LRRK2: variants seen among roughly 807,000 people sequenced by gnomAD.
LRRK2 encodes leucine-rich repeat serine/threonine-protein kinase 2.
In LRRK2, 203 loss-of-function variants were observed where a neutral mutation model predicts 302.6. That is an observed-to-expected ratio of 0.67 (90% CI 0.60 to 0.75). The LOEUF (loss-of-function observed/expected upper bound fraction) is 0.75. Ranked by LOEUF, LRRK2 falls within the 30% of genes least tolerant of loss-of-function variation. The pLI is 0.00. For synonymous variants in LRRK2, 1,066 were observed against 1,031.9 expected, an observed-to-expected ratio of 1.03 and a Z score of -0.63; for missense variants, 2,830 against 2,951.0, an observed-to-expected ratio of 0.96 and a Z score of 0.95.
rs773142619 is a variant in LRRK2, at chr12:40,252,922, T to C, written c.1194T>C (p.His398=). ...GAATTTTTGAAAGTTTCCCAGCTCA[T>C]AGGGAAGTGATGCTCTCCATGCTGA... ...IGDEDGHFPA[H]REVMLSMLMH... The change falls in exon 11 of 51, where the codon CAT becomes CAC. Residue 398 remains histidine (H), a synonymous_variant. Transcript: ENST00000298910. 1 of 1,612,700 alleles carries C rather than the reference T, an allele frequency of 6.2e-7. No individual in the cohort carries two copies. Among genetic ancestry groups the C allele is most frequent in the Non-Finnish European group, 8.5e-7 (1 of 1,178,932 alleles).
rs150673579 is a variant in LRRK2, at chr12:40,330,530, A to G, written c.5757+2070A>G. On this transcript the variant is annotated intron_variant, in intron 39 of 50. Coordinates refer to ENST00000298910, the MANE Select transcript of LRRK2 (RefSeq NM_198578.4). Reference sequence around the variant, plus strand: ...TTGTGTGTAGGTTGTTTTTCATTCCATCTAATTCATTATTTTGTGAAAAAT... The same window carrying G: ...TTGTGTGTAGGTTGTTTTTCATTCCGTCTAATTCATTATTTTGTGAAAAAT... Among the ~76,000 whole-genome samples the G allele has an allele frequency of 1.9e-4, 29 of 152,182 alleles. No individual in the cohort carries two copies. In the East Asian group the frequency reaches 5.6e-3, roughly 29 times the overall value.
At chr12:40,226,332 T>C (rs1265224014) in intron 2 of LRRK2, among the ~76,000 whole-genome samples, 4 of 152,182 alleles carry the variant, frequency 2.6e-5, no homozygotes, top group African/African-American at 7.2e-5. Flanking sequence ...AAAACAAAAT[T>C]ATAGGCCAAG....
chr12:40,246,662 C>G lies in LRRK2; in HGVS notation c.838+2981C>G, dbSNP rs140173166. On this transcript the variant is annotated intron_variant, in intron 7 of 50. Coordinates refer to ENST00000298910, the MANE Select transcript of LRRK2 (RefSeq NM_198578.4). ...ATCCTGAGGACTTAAATTAAAGATGCTCTTTCAGAGGTGTTTGCCAGGAGT... is the reference window on the plus strand; with the variant it reads ...ATCCTGAGGACTTAAATTAAAGATGGTCTTTCAGAGGTGTTTGCCAGGAGT... 2.0e-5 allele frequency among the ~76,000 whole-genome samples: 3 copies of G among 152,178 alleles called. No homozygotes were observed. In the East Asian group the frequency reaches 5.8e-4, roughly 29 times the overall value.
chr12:40,298,901 C>A (rs201573410), intron 24 of LRRK2, among the ~76,000 whole-genome samples: 1 of 24,222 alleles, frequency 4.1e-5, no homozygotes, highest in African/African-American at 1.4e-4. Flanking sequence ...TATATATATA[C>A]TATATATAAT....
intron 20 of LRRK2, among the ~76,000 whole-genome samples, chr12:40,289,439 T>C (rs1380314842): frequency 6.6e-6 from 1 of 150,922 alleles, no homozygotes; most frequent in Non-Finnish European, 1.5e-5. Context: ...TGCTGGGATT[T>C]TTATTGTAAT....
At chr12:40,259,876 C>T (rs899607256) in intron 13 of LRRK2, among the ~76,000 whole-genome samples, 3 of 152,088 alleles carry the variant, frequency 2.0e-5, no homozygotes, top group Admixed American at 6.6e-5. Flanking sequence ...GGGTGTTCAT[C>T]TCTGATAATT....
chr12:40,319,374 A>G (rs1024226135), intron 33 of LRRK2, among the ~76,000 whole-genome samples: 4 of 152,048 alleles, frequency 2.6e-5, no homozygotes, highest in African/African-American at 4.8e-5. Context: ...TTTAACTGCC[A>G]TGACAAGGAT....
Position 40,368,102 on chromosome 12 carries a change from G to A in LRRK2, c.*337G>A, listed in dbSNP as rs1946933276. 5.7e-6 allele frequency: 1 copy of A among 174,484 alleles called. No individual in the cohort carries two copies. Among genetic ancestry groups the A allele is most frequent in the Non-Finnish European group, 1.2e-5 (1 of 82,260 alleles). The allele number at this position is 174,484 out of a possible 1,614,324, so 10.8% of individuals were successfully genotyped here. The stretch of plus-strand genomic sequence containing the variant: ...TTTTGTTTTCTTGTCTGTAATGGAG[G>A]TAAACTTTATTTTAAATTCTGTGCT... On this transcript the variant is annotated 3_prime_UTR_variant, in exon 51 of 51. Coordinates refer to ENST00000298910, the MANE Select transcript of LRRK2 (RefSeq NM_198578.4).
At chr12:40,232,469 AT>A in intron 3 of LRRK2, 86 bp downstream of exon 3, 1 of 960,166 alleles carries the variant, frequency 1.0e-6, no homozygotes, top group Admixed American at 1.8e-5. Flanking sequence ...TGTGTTTGCA[AT>A]CCAAGGCTAC....
At chr12:40,345,633 A>AAG (rs202199763) in intron 41 of LRRK2, among the ~76,000 whole-genome samples, 2 of 149,524 alleles carry the variant, frequency 1.3e-5, no homozygotes. Flanking sequence ...AAAAAAAAAA[A>AAG]AAAAAAAAAA....
At chr12:40,242,851 G>A (rs1941798856) in intron 6 of LRRK2, among the ~76,000 whole-genome samples, 1 of 89,718 alleles carries the variant, frequency 1.1e-5, no homozygotes, top group East Asian at 3.8e-4. Context: ...TATCTAATAG[G>A]ACTTCAGAAA....
intron 38 of LRRK2, 75 bp downstream of exon 38, chr12:40,323,381 T>C: frequency 8.0e-7 from 1 of 1,252,154 alleles, no homozygotes; most frequent in East Asian, 2.6e-5. Flanking sequence ...ATAGATTTCA[T>C]AATTATATTG....
At chr12:40,294,125 T>TATC (rs1444313421) in intron 21 of LRRK2, among the ~76,000 whole-genome samples, 8 of 126,424 alleles carry the variant, frequency 6.3e-5, no homozygotes, top group African/African-American at 2.0e-4. Flanking sequence ...TTCATCTATC[T>TATC]ATCTATCATC....
chr12:40,354,515 T>C (rs745521223), intron 45 of LRRK2, 23 bp downstream of exon 45: 5 of 1,593,810 alleles, frequency 3.1e-6, no homozygotes, highest in Non-Finnish European at 4.3e-6. Flanking sequence ...ATTTGATCAA[T>C]GGGGAAATTA....
At chr12:40,340,211 A>T in intron 40 of LRRK2, 83 bp from the exon 41 acceptor site, 1 of 1,376,446 alleles carries the variant, frequency 7.3e-7, no homozygotes, top group Non-Finnish European at 1.0e-6. Flanking sequence ...GACATAGTGG[A>T]CATTTATATT....
intron 37 of LRRK2, 79 bp from the exon 38 acceptor site, chr12:40,323,081 T>C (rs973512145): frequency 1.7e-6 from 2 of 1,204,986 alleles, no homozygotes; most frequent in Non-Finnish European, 2.4e-6. Context: ...TATTCCATTA[T>C]TTTTTCACAT....
At position 40,322,354 on chromosome 12, in the gene LRRK2, G is replaced by T; in HGVS notation, c.5353G>T (p.Asp1785Tyr). The T allele has an allele frequency of 6.2e-7, 1 of 1,613,626 alleles. No homozygotes were observed. Among genetic ancestry groups the T allele is most frequent in the South Asian group, 1.1e-5 (1 of 91,048 alleles). Reference protein sequence around the residue: ...ILLGQVVDHIDSLMEEWFPGL... With the variant: ...ILLGQVVDHIYSLMEEWFPGL... ...TTTGGGCCAAGTTGTGGACCACATTGATTCTCTCATGGAAGAATGGTTTCC... is the reference window on the plus strand; with the variant it reads ...TTTGGGCCAAGTTGTGGACCACATTTATTCTCTCATGGAAGAATGGTTTCC... The change falls in exon 37 of 51, where the codon GAT becomes TAT. Residue 1785 changes from aspartate to tyrosine, a missense_variant. Asp to Tyr is a radical substitution (Grantham distance 160). Coordinates refer to ENST00000298910, the MANE Select transcript of LRRK2 (RefSeq NM_198578.4).
rs993809474 is a variant in LRRK2, at chr12:40,279,018, A to G, written c.2241+757A>G. 6.6e-5 allele frequency among the ~76,000 whole-genome samples: 10 copies of G among 151,818 alleles called. No individual in the cohort carries two copies. The East Asian group carries it at 7.8e-4, about 12-fold the overall frequency. The stretch of plus-strand genomic sequence containing the variant: ...GAATATCGAGCTCATTGCTTTACAT[A>G]TGGTGTGTATTCAATAAATACTAGG... On this transcript the variant is annotated intron_variant, in intron 18 of 50. Transcript: ENST00000298910.
At chr12:40,295,780 T>G in intron 23 of LRRK2, 136 bp downstream of exon 23, 1 of 774,214 alleles carries the variant, frequency 1.3e-6, no homozygotes, top group Non-Finnish European at 2.1e-6. Flanking sequence ...GTGCCTCTGG[T>G]TTTTGCACAC....
Sources: allele counts gnomAD v4.1 joint callset (sites outside exome capture counted in the v4.1 genomes callset), GRCh38; gene constraint gnomAD v4.1.1; transcripts MANE v1.5; gene names NCBI Gene and HGNC (gene_info 2026-07-23, HGNC 2026-07-21).